The following PCDHGB1 variants were observed in gnomAD, a reference collection of about 807,000 sequenced individuals.
PCDHGB1 encodes the protein protocadherin gamma subfamily B, 1.
In PCDHGB1, 34 loss-of-function variants were observed where a neutral mutation model predicts 56.6. The ratio of observed to expected loss-of-function variants is 0.60; its 90% CI spans 0.46 to 0.80. The LOEUF is 0.80. Among genes scored for constraint, PCDHGB1 ranks in the 30% least tolerant of loss-of-function variants. PCDHGB1 has a pLI of 0.00. For synonymous variants in PCDHGB1, 561 were observed against 505.9 expected (o/e 1.11, Z -1.46); for missense variants, 1,278 against 1,204.6 (o/e 1.06, Z -0.90).
At chr5:141,420,537 T>C (rs1246315357) in intron 1 of PCDHGB1, 2 of 317,450 alleles carry the variant, frequency 6.3e-6, no homozygotes, top group Non-Finnish European at 1.1e-5. Context: ...GTTAAAAATA[T>C]AAAATACAGG....
At chr5:141,384,270 C>T in intron 1 of PCDHGB1, 1 of 1,613,890 alleles carries the variant, frequency 6.2e-7, no homozygotes, top group Non-Finnish European at 8.5e-7. Flanking sequence ...ACTCATCCTA[C>T]TCAGTCTACA....
chr5:141,481,026 C>T (rs1315533254), intron 1 of PCDHGB1, among the ~76,000 whole-genome samples: 1 of 152,100 alleles, frequency 6.6e-6, no homozygotes, highest in African/African-American at 2.4e-5. Flanking sequence ...CCACTGCACT[C>T]CAGCCTGGGC....
chr5:141,501,292 C>CACAT (rs200296563), intron 2 of PCDHGB1, among the ~76,000 whole-genome samples: 14,029 of 50,334 alleles, frequency 0.28, 723 homozygotes, highest in Admixed American at 0.4. Flanking sequence ...TTCCCTTATA[C>CACAT]ACACACACAC....
At chr5:141,374,942 A>C (rs758134474) in intron 1 of PCDHGB1, 3 of 1,614,044 alleles carry the variant, frequency 1.9e-6, no homozygotes, top group Non-Finnish European at 2.5e-6. Flanking sequence ...GATTACAGAA[A>C]AGATCTCACA....
At chr5:141,447,437 G>A (rs1435222330) in intron 1 of PCDHGB1, among the ~76,000 whole-genome samples, 3 of 152,128 alleles carry the variant, frequency 2.0e-5, no homozygotes, top group Non-Finnish European at 2.9e-5. Context: ...CGCACCCGGA[G>A]GAAATTTTTA....
At chr5:141,421,999 T>C in intron 1 of PCDHGB1, 1 of 1,609,214 alleles carries the variant, frequency 6.2e-7, no homozygotes, top group Non-Finnish European at 8.5e-7. Context: ...AAACATCAGC[T>C]CCGGAACTCG....
At chr5:141,376,944 C>T (rs1773563928) in intron 1 of PCDHGB1, 1 of 167,020 alleles carries the variant, frequency 6.0e-6, no homozygotes, top group Non-Finnish European at 1.3e-5. Context: ...GCCTCGGCCT[C>T]CCAAAGTGCT....
chr5:141,388,341 A>G, intron 1 of PCDHGB1: 1 of 1,614,036 alleles, frequency 6.2e-7, no homozygotes, highest in Non-Finnish European at 8.5e-7. Flanking sequence ...CACACGATTT[A>G]TATTAGGATC....
At chr5:141,389,354 G>A in intron 1 of PCDHGB1, 5 of 1,613,934 alleles carry the variant, frequency 3.1e-6, no homozygotes, top group African/African-American at 2.7e-5. Flanking sequence ...ACTGCATCAT[G>A]GCCAGTGACC....
chr5:141,408,469 A>G (rs1454570616), intron 1 of PCDHGB1: 2 of 1,614,078 alleles, frequency 1.2e-6, no homozygotes, highest in South Asian at 2.2e-5. Flanking sequence ...TGAAGAACCG[A>G]ATAGACCGTG....
intron 1 of PCDHGB1, chr5:141,392,814 A>G: frequency 2.5e-6 from 4 of 1,585,078 alleles, no homozygotes; most frequent in South Asian, 2.3e-5. Flanking sequence ...CAAAACAACA[A>G]TGGCCGCTCC....
intron 1 of PCDHGB1, among the ~76,000 whole-genome samples, chr5:141,446,868 C>T (rs980547855): frequency 6.6e-6 from 1 of 152,160 alleles, no homozygotes; most frequent in Non-Finnish European, 1.5e-5. Flanking sequence ...TAGCTCTACA[C>T]TGGTATGTTT....
chr5:141,423,832 T>G, intron 1 of PCDHGB1: 113 of 1,253,376 alleles, frequency 9.0e-5, no homozygotes, highest in East Asian at 2.6e-4. Context: ...TTTCATGAGA[T>G]TACGATAATC....
Position 141,486,824 on chromosome 5 carries a change from G to A in PCDHGB1, c.2410-7983G>A, listed in dbSNP as rs749609525. On this transcript the variant is annotated intron_variant, in intron 1 of 3. Coordinates refer to ENST00000523390, the MANE Select transcript of PCDHGB1 (RefSeq NM_018922.3). The surrounding 1 kb of genome is among the most constrained non-coding windows in gnomAD (Gnocchi z 5.0). ...CCCACCCCTTAGCAGCACTGTAACA[G>A]TTCGTCTATTTGTGCTGGACCTCAA... is the stretch of plus-strand genomic sequence containing the variant. 1 of 1,614,218 alleles carries A rather than the reference G, an allele frequency of 6.2e-7. No homozygotes were observed. Among genetic ancestry groups the A allele is most frequent in the Non-Finnish European group, 8.5e-7 (1 of 1,180,028 alleles).
At chr5:141,364,596 G>C (rs1763432941) in intron 1 of PCDHGB1, 1 of 1,614,090 alleles carries the variant, frequency 6.2e-7, no homozygotes, top group Non-Finnish European at 8.5e-7. Context: ...ACCGCGGGCA[G>C]GATAGACCGG....
chr5:141,416,063 A>G (rs546746824), intron 1 of PCDHGB1: 201 of 176,914 alleles, frequency 1.1e-3, no homozygotes, highest in Non-Finnish European at 1.8e-3. Flanking sequence ...ATCCAAGAAT[A>G]CTCAATGCAG....
intron 1 of PCDHGB1, chr5:141,362,411 A>G (rs771689350): frequency 6.2e-7 from 1 of 1,614,004 alleles, no homozygotes; most frequent in Non-Finnish European, 8.5e-7. Context: ...GTTGCCTCAC[A>G]ATCAGCCAAG....
intron 1 of PCDHGB1, chr5:141,385,331 C>T (rs1235160402): frequency 6.3e-7 from 1 of 1,585,046 alleles, no homozygotes; most frequent in African/African-American, 1.4e-5. Flanking sequence ...CAGGTGAGCC[C>T]AGCCCTTCCT....
intron 1 of PCDHGB1, chr5:141,374,063 G>T: frequency 6.7e-7 from 1 of 1,496,072 alleles, no homozygotes; most frequent in Non-Finnish European, 8.9e-7. Flanking sequence ...TAATCCCAGA[G>T]AAGTTCCTAA....
Sources: gnomAD v4.1 joint callset for allele counts (sites outside exome capture counted in the v4.1 genomes callset) on GRCh38, gnomAD v4.1.1 for gene constraint, Gnocchi (gnomAD v3.1) non-coding constraint, MANE v1.5 for transcripts, NCBI Gene and HGNC (gene_info 2026-07-23, HGNC 2026-07-21) for gene names.